TAS2R1: variants seen among roughly 807,000 people sequenced by gnomAD.
The protein encoded by TAS2R1 is taste 2 receptor member 1, also known as taste receptor type 2 member 1.
For synonymous variants in TAS2R1, 141 were observed against 134.2 expected (o/e 1.05, Z -0.35); for missense variants, 370 against 353.4 (o/e 1.05, Z -0.38).
rs1057413467 is a variant in TAS2R1 at position 9,659,494 on chromosome 5, G to A, written c.-154C>T. Reference sequence around the variant, plus strand: ...TTCCCACACCGCAAGGTCTTCTATCGGTTTGAGAGCCCCTGGAGATGGCCC... The same window carrying A: ...TTCCCACACCGCAAGGTCTTCTATCAGTTTGAGAGCCCCTGGAGATGGCCC... On this transcript the variant is annotated 5_prime_UTR_variant, in exon 2 of 3. Transcript: ENST00000506620. The A allele has an allele frequency of 2.6e-5, 4 of 151,724 alleles. No individual in the cohort carries two copies. In the East Asian group the frequency reaches 5.8e-4, roughly 22 times the overall value. 9.4% of individuals were successfully genotyped at this position (151,724 alleles called of 1,614,324 possible).
At chr5:9,771,744 T>C in the TAS2R1 span, among the ~76,000 whole-genome samples, 6 of 152,106 alleles carry the variant, frequency 3.9e-5, no homozygotes, top group Admixed American at 3.9e-4. Context: ...TCTTAGTAGA[T>C]TGTATGTGTC....
the TAS2R1 span, among the ~76,000 whole-genome samples, chr5:9,830,234 C>G: frequency 6.6e-6 from 1 of 150,944 alleles, no homozygotes; most frequent in South Asian, 2.1e-4. Flanking sequence ...GACAGACAGA[C>G]AGATAACAAA....
the TAS2R1 span, among the ~76,000 whole-genome samples, chr5:9,752,512 C>A: frequency 1.3e-5 from 2 of 152,072 alleles, no homozygotes; most frequent in Non-Finnish European, 2.9e-5. Flanking sequence ...TGTTTTTATG[C>A]ATGAATGAAG....
At chr5:9,830,447 T>C in the TAS2R1 span, among the ~76,000 whole-genome samples, 4 of 151,750 alleles carry the variant, frequency 2.6e-5, no homozygotes, top group African/African-American at 9.7e-5. Flanking sequence ...AGATGATAGA[T>C]GACAGACACA....
chr5:9,729,735 A>G, the TAS2R1 span, among the ~76,000 whole-genome samples: 1 of 152,204 alleles, frequency 6.6e-6, no homozygotes, highest in African/African-American at 2.4e-5. Flanking sequence ...GTCAACCTTT[A>G]CTTTCATCCT....
the TAS2R1 span, among the ~76,000 whole-genome samples, chr5:9,858,750 T>G: frequency 2.6e-5 from 4 of 152,204 alleles, no homozygotes; most frequent in Admixed American, 2.6e-4. Context: ...TGAATGGTTG[T>G]TACAGGGGTG....
At chr5:9,638,745 G>A (rs559203374) in intron 2 of TAS2R1, among the ~76,000 whole-genome samples, 6 of 152,324 alleles carry the variant, frequency 3.9e-5, no homozygotes, top group Non-Finnish European at 7.3e-5. Flanking sequence ...ATCAGGTGGA[G>A]TCAGGGTTAG....
chr5:9,897,277 C>T, the TAS2R1 span, among the ~76,000 whole-genome samples: 58 of 152,162 alleles, frequency 3.8e-4, no homozygotes, highest in African/African-American at 1.3e-3. Context: ...GGTGAAACCC[C>T]GTCTCTACTA....
the TAS2R1 span, among the ~76,000 whole-genome samples, chr5:9,753,534 A>G: frequency 6.6e-6 from 1 of 152,120 alleles, no homozygotes; most frequent in Non-Finnish European, 1.5e-5. Flanking sequence ...TTTGCTGTGC[A>G]GAAGCTCTTT....
the TAS2R1 span, among the ~76,000 whole-genome samples, chr5:9,884,256 A>ACC: frequency 6.6e-6 from 1 of 151,896 alleles, no homozygotes. Flanking sequence ...TGGGTGGATC[A>ACC]TGAGGTCAGG....
the TAS2R1 span, among the ~76,000 whole-genome samples, chr5:9,839,576 GA>G: frequency 6.6e-6 from 1 of 152,226 alleles, no homozygotes; most frequent in South Asian, 2.1e-4. Flanking sequence ...TGAAACAGGA[GA>G]AATTGTGCTT....
chr5:9,749,121 G>T, the TAS2R1 span, among the ~76,000 whole-genome samples: 1 of 152,146 alleles, frequency 6.6e-6, no homozygotes, highest in Non-Finnish European at 1.5e-5. Flanking sequence ...TCCAGCAACA[G>T]GTCTGGAAAA....
At chr5:9,821,528 T>C in the TAS2R1 span, among the ~76,000 whole-genome samples, 1 of 152,204 alleles carries the variant, frequency 6.6e-6, no homozygotes. Flanking sequence ...ACCTGCAGAA[T>C]GTACACAAGG....
At chr5:9,865,753 C>A in the TAS2R1 span, among the ~76,000 whole-genome samples, 1 of 152,238 alleles carries the variant, frequency 6.6e-6, no homozygotes. Flanking sequence ...TGTTTCCCAT[C>A]ACAAGTCAGT....
chr5:9,811,138 T>C, the TAS2R1 span, among the ~76,000 whole-genome samples: 634 of 152,270 alleles, frequency 4.2e-3, 6 homozygotes, highest in African/African-American at 0.015. Flanking sequence ...ACATGATTTG[T>C]ATCTTTCTAA....
the TAS2R1 span, among the ~76,000 whole-genome samples, chr5:9,833,145 G>C: frequency 1.1e-4 from 16 of 152,268 alleles, no homozygotes; most frequent in East Asian, 2.9e-3. Flanking sequence ...TAAACAGCAG[G>C]GCAGAGAAAG....
At chr5:9,714,988 T>G (rs1390597471), upstream of TAS2R1, among the ~76,000 whole-genome samples, 3 of 152,194 alleles carry the variant, frequency 2.0e-5, no homozygotes, top group Non-Finnish European at 4.4e-5. Flanking sequence ...AATGGGGAAT[T>G]GATGTGGATT....
the TAS2R1 span, among the ~76,000 whole-genome samples, chr5:9,822,051 A>T: frequency 6.6e-6 from 1 of 152,190 alleles, no homozygotes; most frequent in Non-Finnish European, 1.5e-5. Context: ...TGCTGTCAGT[A>T]ACACCTGTAA....
At chr5:9,650,894 T>C (rs773109046) in intron 2 of TAS2R1, among the ~76,000 whole-genome samples, 53 of 152,316 alleles carry the variant, frequency 3.5e-4, no homozygotes, top group Non-Finnish European at 7.2e-4. Context: ...ACATGGTGGG[T>C]GCTCACAAAT....
Sources: gnomAD v4.1 joint callset for allele counts (sites outside exome capture counted in the v4.1 genomes callset) on GRCh38, gnomAD v4.1.1 for gene constraint, MANE v1.5 for transcripts, NCBI Gene and HGNC (gene_info 2026-07-23, HGNC 2026-07-21) for gene names.